The following MAP1LC3B2 variants were observed in gnomAD, a reference collection of about 807,000 sequenced individuals.
The protein encoded by MAP1LC3B2 is microtubule associated protein 1 light chain 3 beta 2, also known as microtubule-associated protein 1 light chain 3 beta 2.
For synonymous variants in MAP1LC3B2, 62 were observed against 57.8 expected, an observed-to-expected ratio of 1.07 and a Z score of -0.33; for missense variants, 155 against 154.6, an observed-to-expected ratio of 1.00 and a Z score of -0.01.
chr12:116,571,455 G>GTTTTT (rs1869529426), intron 1 of MAP1LC3B2, among the ~76,000 whole-genome samples: 1 of 67,948 alleles, frequency 1.5e-5, no homozygotes. Flanking sequence ...AGGGACTGCT[G>GTTTTT]TTCTTTTTTT....
chr12:116,576,166 C>G lies in MAP1LC3B2; in HGVS notation c.224C>G (p.Ala75Gly). ...KIIRRRLQLNANQAFFLLVNG... is the reference protein window; with the variant it reads ...KIIRRRLQLNGNQAFFLLVNG... ...ATTAGAAGGCGCTTACAGCTCAATG[C>G]TAATCAGGCCTTCTTCCTGTTGGTG... The change falls in exon 2 of 2, where the codon GCT becomes GGT. Residue 75 changes from alanine to glycine, a missense_variant. Physicochemically the swap from Ala to Gly is moderately conservative, Grantham distance 60. Transcript: ENST00000556529. 2 of 1,614,118 alleles carry G rather than the reference C, an allele frequency of 1.2e-6. No individual in the cohort carries two copies. Among genetic ancestry groups the G allele is most frequent in the Non-Finnish European group, 1.7e-6 (2 of 1,180,014 alleles).
intron 1 of MAP1LC3B2, among the ~76,000 whole-genome samples, chr12:116,574,352 T>G (rs1869616016): frequency 6.6e-6 from 1 of 151,952 alleles, no homozygotes; most frequent in Non-Finnish European, 1.5e-5. Flanking sequence ...TATTAAAAAT[T>G]ACAAAATAGG....
At chr12:116,574,236 G>A (rs1221875614) in intron 1 of MAP1LC3B2, among the ~76,000 whole-genome samples, 2 of 113,730 alleles carry the variant, frequency 1.8e-5, no homozygotes, top group Non-Finnish European at 3.9e-5. Flanking sequence ...TTGCAGTATC[G>A]TTTGTAATAG....
chr12:116,573,465 T>G (rs1869592516), intron 1 of MAP1LC3B2, among the ~76,000 whole-genome samples: 1 of 152,180 alleles, frequency 6.6e-6, no homozygotes, highest in Admixed American at 6.5e-5. Context: ...AATAAAAGAT[T>G]TGCAACTATA....
chr12:116,570,697 C>A (rs892373828), intron 1 of MAP1LC3B2, among the ~76,000 whole-genome samples: 1 of 152,152 alleles, frequency 6.6e-6, no homozygotes, highest in Non-Finnish European at 1.5e-5. Flanking sequence ...TGAGGCCTCC[C>A]CAGCCACGTG....
At chr12:116,566,616 T>TAAA (rs58530141) in intron 1 of MAP1LC3B2, among the ~76,000 whole-genome samples, 7,296 of 91,352 alleles carry the variant, frequency 0.08, 552 homozygotes, top group African/African-American at 0.11. Context: ...AGTCAGTGAT[T>TAAA]AAAAAAAAAA....
rs35884310 is a variant in MAP1LC3B2 at position 116,568,868 on chromosome 12, C to CTTT, written c.-101-6962_-101-6960dup. Among the ~76,000 whole-genome samples, 60 of 139,758 alleles carry CTTT rather than the reference C, an allele frequency of 4.3e-4. 1 individual carries two copies. The highest frequency in any genetic ancestry group is 2.9e-3 in the Admixed American group (40 of 13,970). The allele number at this position is 139,758 out of a possible 152,430, so 91.7% of individuals were successfully genotyped here. A position where few individuals can be genotyped will look rare whatever the true frequency, so the allele number is the denominator to read the frequency against. ...TGTAAGAAATAAATTTCTTTTCTTTCTTTTTTTTTTTTTTGAGACAGAATC... is the reference window on the plus strand; with the variant it reads ...TGTAAGAAATAAATTTCTTTTCTTTCTTTTTTTTTTTTTTTTTGAGACAGAATC... On this transcript the variant is annotated intron_variant, in intron 1 of 1. Transcript: ENST00000556529.
rs1869694827 is a variant in MAP1LC3B2, at chr12:116,576,600, A to AT, written c.*280_*281insT. ...AAAATACTTTGCATTCTAAAAAAAA[A>AT]AAAAAATTGCCTTACACAATGTGTA... On this transcript the variant is annotated 3_prime_UTR_variant, in exon 2 of 2. Transcript: ENST00000556529. Among the ~76,000 whole-genome samples, 1 of 152,046 alleles carries AT rather than the reference A, an allele frequency of 6.6e-6. No individual in the cohort carries two copies. The highest frequency in any genetic ancestry group is 6.6e-5 in the Admixed American group (1 of 15,248).
At chr12:116,571,895 T>G (rs994251792) in intron 1 of MAP1LC3B2, among the ~76,000 whole-genome samples, 2 of 152,084 alleles carry the variant, frequency 1.3e-5, no homozygotes, top group East Asian at 1.9e-4. Flanking sequence ...AACTGTTGTT[T>G]TTTTTTTTAA....
At chr12:116,572,459 G>C (rs1869561674) in intron 1 of MAP1LC3B2, among the ~76,000 whole-genome samples, 1 of 151,130 alleles carries the variant, frequency 6.6e-6, no homozygotes, top group African/African-American at 2.4e-5. Context: ...CCGCCTCCCA[G>C]GCCCACACCA....
intron 1 of MAP1LC3B2, among the ~76,000 whole-genome samples, chr12:116,570,064 A>G (rs558358100): frequency 6.6e-6 from 1 of 152,256 alleles, no homozygotes; most frequent in East Asian, 1.9e-4. Flanking sequence ...AAAATAAAAT[A>G]AAATAAAATA....
chr12:116,562,223 T>G (rs915418264), intron 1 of MAP1LC3B2, among the ~76,000 whole-genome samples: 13 of 152,210 alleles, frequency 8.5e-5, no homozygotes, highest in African/African-American at 3.1e-4. Flanking sequence ...AAAGCAGAGA[T>G]AAAAGATAGT....
In MAP1LC3B2 at chr12:116,560,232, ATATATATATG is replaced by A. The variant is rs1566022609; in HGVS notation, c.-102+803_-102+812del. 67 of 60,816 alleles carry A rather than the reference ATATATATATG, an allele frequency of 1.1e-3. 2 individuals are homozygous for A. Among genetic ancestry groups the A allele is most frequent in the Middle Eastern group, 7.0e-3 (1 of 142 alleles). The allele number at this position is 60,816 out of a possible 1,614,324, so 3.8% of individuals were successfully genotyped here. ...TATATATATATATATATATATATAT[ATATATATATG>A]TATGTATATGTATATATATATATTT... is the stretch of plus-strand genomic sequence containing the variant. On this transcript the variant is annotated intron_variant, in intron 1 of 1. Transcript: ENST00000556529.
intron 1 of MAP1LC3B2, among the ~76,000 whole-genome samples, chr12:116,570,573 G>A (rs1869500635): frequency 6.6e-6 from 1 of 152,080 alleles, no homozygotes; most frequent in Non-Finnish European, 1.5e-5. Flanking sequence ...TGGTGGTAGT[G>A]AGTAAGTCTC....
intron 1 of MAP1LC3B2, among the ~76,000 whole-genome samples, chr12:116,574,217 A>T (rs151130919): frequency 3.3e-5 from 5 of 150,582 alleles, no homozygotes; most frequent in Admixed American, 6.7e-5. Flanking sequence ...AAATCTATAA[A>T]GAAATTTATT....
intron 1 of MAP1LC3B2, among the ~76,000 whole-genome samples, chr12:116,570,488 C>T (rs1869497139): frequency 6.6e-6 from 1 of 152,182 alleles, no homozygotes; most frequent in Non-Finnish European, 1.5e-5. Context: ...TTGTAGCTCC[C>T]ATCATTCCCA....
intron 1 of MAP1LC3B2, among the ~76,000 whole-genome samples, chr12:116,574,710 G>T (rs1164143075): frequency 6.6e-6 from 1 of 151,576 alleles, no homozygotes; most frequent in Non-Finnish European, 1.5e-5. Context: ...TTTAATTTTG[G>T]TAATTTTTAG....
At chr12:116,569,431 C>T (rs764491857) in intron 1 of MAP1LC3B2, among the ~76,000 whole-genome samples, 4 of 152,154 alleles carry the variant, frequency 2.6e-5, no homozygotes, top group South Asian at 2.1e-4. Context: ...TAACCCACAA[C>T]GTAGTAGTTG....
rs181500948 is a variant in MAP1LC3B2, at chr12:116,576,449, G to A, written c.*129G>A. On this transcript the variant is annotated 3_prime_UTR_variant, in exon 2 of 2. Coordinates refer to ENST00000556529, the MANE Select transcript of MAP1LC3B2 (RefSeq NM_001085481.3). ...ATCAAACAGTAGTGTTCCCACCTAGGAGTGTTAGGAAGTTGTGTTTGTGTT... is the reference window on the plus strand; with the variant it reads ...ATCAAACAGTAGTGTTCCCACCTAGAAGTGTTAGGAAGTTGTGTTTGTGTT... 65 of 1,368,998 alleles carry A rather than the reference G, an allele frequency of 4.7e-5. No individual in the cohort carries two copies. The African/African-American group carries it at 8.4e-4, about 18-fold the overall frequency. 84.8% of individuals were successfully genotyped at this position (1,368,998 alleles called of 1,614,324 possible).
Sources: allele counts gnomAD v4.1 joint callset (sites outside exome capture counted in the v4.1 genomes callset), GRCh38; gene constraint gnomAD v4.1.1; transcripts MANE v1.5; gene names NCBI Gene and HGNC (gene_info 2026-07-23, HGNC 2026-07-21).